The following GRXCR1 variants were observed in gnomAD, a reference collection of about 807,000 sequenced individuals.
GRXCR1 encodes the protein glutaredoxin domain-containing cysteine-rich protein 1.
Under a neutral mutation model 27.3 loss-of-function variants are expected in GRXCR1, and 27 were observed. The ratio of observed to expected loss-of-function variants is 0.99; its 90% CI spans 0.73 to 1.37. GRXCR1 has a LOEUF of 1.37. Ranked by LOEUF, GRXCR1 falls within the 40% of genes most tolerant of loss-of-function variation. The probability of loss-of-function intolerance (pLI) is 0.00; values close to 1 mark genes in which losing one functional copy is unlikely to be tolerated. For missense variants in GRXCR1, 379 were observed against 354.4 expected, an observed-to-expected ratio of 1.07 and a Z score of -0.56; for synonymous variants, 122 against 131.1, an observed-to-expected ratio of 0.93 and a Z score of 0.47.
chr4:42,902,836 TTAAAA>T (rs1347385021), intron 1 of GRXCR1, among the ~76,000 whole-genome samples: 3 of 152,140 alleles, frequency 2.0e-5, no homozygotes, highest in South Asian at 2.1e-4. Context: ...ACCCCTGAAC[TTAAAA>T]TAAAAGTTGA....
rs573625542 is a variant in GRXCR1 at position 42,896,433 on chromosome 4, A to G, written c.384+2783A>G. ...AAAGGTAGTGATGAACCAGGAGGCA[A>G]AAAGCAGAAGGCCACCTGGCTGCTC... On this transcript the variant is annotated intron_variant, in intron 1 of 3. Coordinates refer to ENST00000399770, the MANE Select transcript of GRXCR1 (RefSeq NM_001080476.3). 5.1e-5 allele frequency among the ~76,000 whole-genome samples: 7 copies of G among 137,718 alleles called. No individual in the cohort carries two copies. The South Asian group carries it at 1.5e-3, about 30-fold the overall frequency. The allele number at this position is 137,718 out of a possible 152,430, so 90.3% of individuals were successfully genotyped here. A position where few individuals can be genotyped will look rare whatever the true frequency, so the allele number is the denominator to read the frequency against.
At chr4:42,992,627 C>T (rs1712011787) in intron 2 of GRXCR1, among the ~76,000 whole-genome samples, 1 of 151,980 alleles carries the variant, frequency 6.6e-6, no homozygotes, top group Non-Finnish European at 1.5e-5. Context: ...CGTACTATTG[C>T]CTCAGGAGCC....
At chr4:42,909,853 C>T (rs1448317546) in intron 1 of GRXCR1, among the ~76,000 whole-genome samples, 1 of 152,008 alleles carries the variant, frequency 6.6e-6, no homozygotes, top group Non-Finnish European at 1.5e-5. Flanking sequence ...TCTCAAAAGC[C>T]AAGTGTGAAT....
chr4:42,938,405 C>T (rs1747509089), intron 1 of GRXCR1, among the ~76,000 whole-genome samples: 1 of 151,898 alleles, frequency 6.6e-6, no homozygotes, highest in Non-Finnish European at 1.5e-5. Flanking sequence ...AGTGCAAATA[C>T]CTCTTTGATA....
At chr4:42,992,132 G>C (rs769166924) in intron 2 of GRXCR1, among the ~76,000 whole-genome samples, 3 of 152,004 alleles carry the variant, frequency 2.0e-5, no homozygotes, top group Non-Finnish European at 4.4e-5. Context: ...GGGAAATCTA[G>C]TGGTGATGGA....
intron 1 of GRXCR1, among the ~76,000 whole-genome samples, chr4:42,942,194 T>C (rs1454807473): frequency 6.6e-6 from 1 of 152,074 alleles, no homozygotes; most frequent in Admixed American, 6.6e-5. Flanking sequence ...TGTGATATAA[T>C]TAATTTTGAA....
intron 1 of GRXCR1, among the ~76,000 whole-genome samples, chr4:42,945,955 A>G (rs1280261569): frequency 6.6e-6 from 1 of 152,112 alleles, no homozygotes; most frequent in African/African-American, 2.4e-5. Context: ...CCTTCTCTAT[A>G]TGTTGTTAAA....
At chr4:42,955,891 C>A (rs1747992543) in intron 1 of GRXCR1, among the ~76,000 whole-genome samples, 1 of 152,152 alleles carries the variant, frequency 6.6e-6, no homozygotes, top group African/African-American at 2.4e-5. Flanking sequence ...GGATTTGCAT[C>A]TGCCTGAGGA....
Position 42,938,920 on chromosome 4 carries a change from T to C in GRXCR1, c.385-23972T>C, listed in dbSNP as rs969486636. Among the ~76,000 whole-genome samples, 4 of 151,970 alleles carry C rather than the reference T, an allele frequency of 2.6e-5. No individual in the cohort carries two copies. The East Asian group carries it at 5.8e-4, about 22-fold the overall frequency. On this transcript the variant is annotated intron_variant, in intron 1 of 3. Coordinates refer to ENST00000399770, the MANE Select transcript of GRXCR1 (RefSeq NM_001080476.3). ...TTCTGGGTACTATAGCTCTGTAGTA[T>C]CATTTGAAATTATGTGATGTGATTC...
At chr4:42,945,310 TA>T (rs1335361965) in intron 1 of GRXCR1, among the ~76,000 whole-genome samples, 1 of 152,066 alleles carries the variant, frequency 6.6e-6, no homozygotes, top group African/African-American at 2.4e-5. Context: ...GACAGAAATG[TA>T]AAAAAACCTC....
At chr4:43,017,630 G>A (rs902175884) in intron 2 of GRXCR1, among the ~76,000 whole-genome samples, 4 of 152,052 alleles carry the variant, frequency 2.6e-5, no homozygotes, top group African/African-American at 9.7e-5. Context: ...TAAAAATATG[G>A]AAGAAATATT....
chr4:42,912,082 G>A (rs1309093812), intron 1 of GRXCR1, among the ~76,000 whole-genome samples: 3 of 152,090 alleles, frequency 2.0e-5, no homozygotes, highest in African/African-American at 7.2e-5. Flanking sequence ...CTGGATAATT[G>A]ACATTTAATG....
chr4:42,988,957 CTGACTGGG>C (rs1560677661), intron 2 of GRXCR1, among the ~76,000 whole-genome samples: 1 of 152,130 alleles, frequency 6.6e-6, no homozygotes, highest in Non-Finnish European at 1.5e-5. Context: ...CAAAAATTTT[CTGACTGGG>C]TGACCTTAAA....
rs1560643497 is a variant in GRXCR1 at position 42,904,658 on chromosome 4, T to C, written c.384+11008T>C. On this transcript the variant is annotated intron_variant, in intron 1 of 3. Coordinates refer to ENST00000399770, the MANE Select transcript of GRXCR1 (RefSeq NM_001080476.3). ...TGAATGAGTTATTGTGTATAAAGCA[T>C]GTTTCTCGATGCCTGGTACCTTATA... Among the ~76,000 whole-genome samples the C allele has an allele frequency of 3.3e-5, 5 of 152,206 alleles. No homozygotes were observed. In the South Asian group the frequency reaches 8.3e-4, roughly 25 times the overall value.
intron 2 of GRXCR1, among the ~76,000 whole-genome samples, chr4:42,974,228 G>C (rs983599630): frequency 1.3e-5 from 2 of 152,040 alleles, no homozygotes; most frequent in South Asian, 4.1e-4. Flanking sequence ...GGGATTGATT[G>C]GTCAGGGTAG....
chr4:42,975,706 G>C (rs1315255499), intron 2 of GRXCR1, among the ~76,000 whole-genome samples: 1 of 151,920 alleles, frequency 6.6e-6, no homozygotes, highest in Non-Finnish European at 1.5e-5. Flanking sequence ...TCTTACCCTT[G>C]GTCCATTGGT....
chr4:42,906,174 G>A (rs1486836083), intron 1 of GRXCR1, among the ~76,000 whole-genome samples: 2 of 151,926 alleles, frequency 1.3e-5, no homozygotes, highest in East Asian at 1.9e-4. Context: ...AAGACAATAG[G>A]GCTGGTGAAC....
In GRXCR1 at chr4:42,963,064, A is replaced by C. The variant is rs748723041; in HGVS notation, c.557A>C (p.Asp186Ala). The change falls in exon 2 of 4, where the codon GAC becomes GCC. Residue 186 changes from aspartate (D) to alanine (A), a missense_variant. Physicochemically the swap from Asp to Ala is moderately radical, Grantham distance 126. Transcript: ENST00000399770. ...AATGGTGAATATGGAAAAGAGTTAG[A>C]CGAACGATGCCGACGAGTTTCTGAA... is the stretch of plus-strand genomic sequence containing the variant. Reference protein sequence around the residue: ...ALNGEYGKELDERCRRVSEAP... With the variant: ...ALNGEYGKELAERCRRVSEAP... 6.2e-7 allele frequency: 1 copy of C among 1,612,880 alleles called. No homozygotes were observed. Among genetic ancestry groups the C allele is most frequent in the Non-Finnish European group, 8.5e-7 (1 of 1,179,074 alleles).
At chr4:42,948,254 C>A (rs1747794185) in intron 1 of GRXCR1, among the ~76,000 whole-genome samples, 1 of 147,092 alleles carries the variant, frequency 6.8e-6, no homozygotes. Context: ...TTTTTAATAC[C>A]TGAAAGGAAA....
Sources: gnomAD v4.1 joint callset for allele counts (sites outside exome capture counted in the v4.1 genomes callset) on GRCh38, gnomAD v4.1.1 for gene constraint, MANE v1.5 for transcripts, NCBI Gene and HGNC (gene_info 2026-07-23, HGNC 2026-07-21) for gene names.